RNGTT: variants seen among roughly 807,000 people sequenced by gnomAD.
RNGTT encodes mRNA-capping enzyme.
Under a neutral mutation model 79.3 loss-of-function variants are expected in RNGTT, and 33 were observed. The observed-to-expected ratio is 0.42, with a 90% confidence interval of 0.32 to 0.56. The LOEUF (loss-of-function observed/expected upper bound fraction) is 0.56. RNGTT is among the 20% of genes least tolerant of loss of function. The probability of loss-of-function intolerance (pLI) is 0.17; values close to 1 mark genes in which losing one functional copy is unlikely to be tolerated. For synonymous variants in RNGTT, 222 were observed against 235.9 expected (o/e 0.94, Z 0.54); for missense variants, 497 against 739.1 (o/e 0.67, Z 3.80).
intron 14 of RNGTT, among the ~76,000 whole-genome samples, chr6:88,651,918 T>C (rs1773812856): frequency 6.6e-6 from 1 of 152,126 alleles, no homozygotes; most frequent in Non-Finnish European, 1.5e-5. Context: ...AGGCGGTGGA[T>C]AGATTAATTT....
chr6:88,759,962 T>C (rs1384212025), intron 13 of RNGTT, among the ~76,000 whole-genome samples: 1 of 152,030 alleles, frequency 6.6e-6, no homozygotes, highest in African/African-American at 2.4e-5. Context: ...AAAAGGTAAC[T>C]TAGAGAAATT....
intron 13 of RNGTT, among the ~76,000 whole-genome samples, chr6:88,754,109 C>T (rs1258226313): frequency 3.3e-5 from 5 of 152,140 alleles, no homozygotes; most frequent in Admixed American, 3.3e-4. Context: ...TATTAAGGAT[C>T]CTAGGAAGAT....
intron 13 of RNGTT, among the ~76,000 whole-genome samples, chr6:88,719,808 T>C (rs1776646595): frequency 2.6e-5 from 4 of 152,224 alleles, no homozygotes; most frequent in Admixed American, 2.6e-4. Context: ...CCAAAGTACA[T>C]ATTATCATAA....
chr6:88,786,629 C>T (rs1458849480), intron 12 of RNGTT, among the ~76,000 whole-genome samples: 1 of 152,164 alleles, frequency 6.6e-6, no homozygotes, highest in East Asian at 1.9e-4. Flanking sequence ...TTGAGGAAAG[C>T]TTGAACCTTA....
intron 11 of RNGTT, among the ~76,000 whole-genome samples, chr6:88,815,461 G>T (rs920546117): frequency 6.6e-6 from 1 of 152,160 alleles, no homozygotes; most frequent in Non-Finnish European, 1.5e-5. Context: ...AGTCAGTGGG[G>T]ACCTCAGTAT....
chr6:88,708,516 C>T (rs1274185500), intron 13 of RNGTT, among the ~76,000 whole-genome samples: 1 of 152,178 alleles, frequency 6.6e-6, no homozygotes, highest in African/African-American at 2.4e-5. Flanking sequence ...AATGCCAGAT[C>T]TCAGCTTTGA....
At chr6:88,679,937 C>T (rs1037073742) in intron 13 of RNGTT, among the ~76,000 whole-genome samples, 3 of 152,156 alleles carry the variant, frequency 2.0e-5, no homozygotes, top group East Asian at 1.9e-4. Flanking sequence ...AACTATGCAA[C>T]GTCACTTCTC....
At chr6:88,882,566 C>A (rs576365427) in intron 8 of RNGTT, among the ~76,000 whole-genome samples, 2 of 151,852 alleles carry the variant, frequency 1.3e-5, no homozygotes, top group South Asian at 4.2e-4. Flanking sequence ...TTTAAAAATT[C>A]AAAAATTCAA....
In RNGTT at chr6:88,614,395, C is replaced by A. The variant is rs149708971; in HGVS notation, c.1507G>T (p.Val503Leu). The change falls in exon 15 of 16, where the codon GTG (valine) becomes TTG (leucine). Residue 503 changes from valine to leucine, a missense_variant and splice_region_variant. Physicochemically the swap from Val to Leu is conservative, Grantham distance 32. Coordinates refer to ENST00000369485, the MANE Select transcript of RNGTT (RefSeq NM_003800.5). ...GYERPFAQIK[V>L]TKELKQYDNK... ...TCATACTGTTTCAGCTCTTTTGTCA[C>A]CTGTTTTGAAAGAGAATTGAGGAAA... 6 of 1,613,116 alleles carry A rather than the reference C, an allele frequency of 3.7e-6. No homozygotes were observed. The highest frequency in any genetic ancestry group is 5.1e-6 in the Non-Finnish European group (6 of 1,179,396).
At chr6:88,718,026 G>A (rs368392490) in intron 13 of RNGTT, among the ~76,000 whole-genome samples, 22 of 152,220 alleles carry the variant, frequency 1.4e-4, no homozygotes, top group African/African-American at 5.1e-4. Context: ...GAATTAATCT[G>A]GCCAGGAGGC....
chr6:88,917,695 T>C (rs1356264305), intron 4 of RNGTT, among the ~76,000 whole-genome samples: 1 of 152,156 alleles, frequency 6.6e-6, no homozygotes, highest in Non-Finnish European at 1.5e-5. Flanking sequence ...AAAATCAGCC[T>C]GGCCAACATG....
At chr6:88,678,267 A>C (rs1361415036) in intron 14 of RNGTT, 86 bp downstream of exon 14, 2 of 1,530,484 alleles carry the variant, frequency 1.3e-6, no homozygotes, top group Admixed American at 1.9e-5. Flanking sequence ...CGATATTTTT[A>C]TATGTTGATT....
intron 13 of RNGTT, among the ~76,000 whole-genome samples, chr6:88,717,131 T>C (rs1200225143): frequency 6.6e-6 from 1 of 152,144 alleles, no homozygotes; most frequent in Non-Finnish European, 1.5e-5. Flanking sequence ...AGTGTAGTAA[T>C]ACAACACCAG....
rs1295924172 is a variant in RNGTT at position 88,658,862 on chromosome 6, C to T, written c.1506+19491G>A. On this transcript the variant is annotated intron_variant, in intron 14 of 15. Coordinates refer to ENST00000369485, the MANE Select transcript of RNGTT (RefSeq NM_003800.5). ...TTCAGCTTTTAGACTCTTGGACTTA[C>T]ACCAGTGATTTGTCAGGGGCTCTCG... 2.0e-5 allele frequency among the ~76,000 whole-genome samples: 3 copies of T among 152,250 alleles called. No homozygotes were observed. In the East Asian group the frequency reaches 5.8e-4, roughly 29 times the overall value.
At chr6:88,908,944 G>A (rs1783746254) in intron 4 of RNGTT, among the ~76,000 whole-genome samples, 1 of 151,798 alleles carries the variant, frequency 6.6e-6, no homozygotes, top group African/African-American at 2.4e-5. Context: ...GATCCTAAGG[G>A]GCCAGAGGAC....
intron 14 of RNGTT, among the ~76,000 whole-genome samples, chr6:88,672,320 T>C (rs1166744829): frequency 6.6e-6 from 1 of 151,964 alleles, no homozygotes; most frequent in African/African-American, 2.4e-5. Flanking sequence ...TATACACATA[T>C]ATGTATAAAT....
chr6:88,944,523 C>T (rs1419331402), intron 1 of RNGTT, among the ~76,000 whole-genome samples: 2 of 152,048 alleles, frequency 1.3e-5, no homozygotes, highest in East Asian at 3.9e-4. Flanking sequence ...CTTTCAAGGG[C>T]CACCAATCAA....
At chr6:88,677,399 C>A (rs1165174379) in intron 14 of RNGTT, among the ~76,000 whole-genome samples, 1 of 151,842 alleles carries the variant, frequency 6.6e-6, no homozygotes, top group East Asian at 1.9e-4. Flanking sequence ...TTCACAACTA[C>A]AAGCATGTCA....
intron 12 of RNGTT, among the ~76,000 whole-genome samples, chr6:88,771,206 T>G (rs1281984222): frequency 6.6e-6 from 1 of 150,550 alleles, no homozygotes. Flanking sequence ...CTATGTTTTC[T>G]TAGACAAGTT....
Sources: allele counts gnomAD v4.1 joint callset (sites outside exome capture counted in the v4.1 genomes callset), GRCh38; gene constraint gnomAD v4.1.1; transcripts MANE v1.5; gene names NCBI Gene and HGNC (gene_info 2026-07-23, HGNC 2026-07-21).